LYST: variants seen among roughly 807,000 people sequenced by gnomAD.
LYST encodes the protein lysosomal trafficking regulator.
In LYST, 192 loss-of-function variants were observed where a neutral mutation model predicts 413.6. The observed-to-expected ratio is 0.46, with a 90% CI of 0.41 to 0.52. The LOEUF is 0.52. Ranked by LOEUF, LYST falls within the 20% of genes least tolerant of loss-of-function variation. The pLI is 0.00. For missense variants in LYST, 3,815 were observed against 4,499.9 expected, an observed-to-expected ratio of 0.85 and a Z score of 4.35; for synonymous variants, 1,525 against 1,567.3, an observed-to-expected ratio of 0.97 and a Z score of 0.64.
intron 20 of LYST, among the ~76,000 whole-genome samples, chr1:235,768,932 G>GT (rs1668396331): frequency 6.6e-6 from 1 of 152,048 alleles, no homozygotes; most frequent in Non-Finnish European, 1.5e-5. Flanking sequence ...GCAATAAAAT[G>GT]TTTTTGTGTT....
Position 235,752,056 on chromosome 1 carries a change from G to A in LYST, c.7576C>T (p.Leu2526Phe), listed in dbSNP as rs549823254. 5.9e-5 allele frequency: 95 copies of A among 1,609,806 alleles called. No individual in the cohort carries two copies. In the South Asian group the frequency reaches 9.9e-4, roughly 17 times the overall value. Residue 2526 changes from leucine to phenylalanine, a missense_variant, in exon 27 of 53, where the codon CTT becomes TTT. Leu to Phe is a conservative substitution (Grantham distance 22, BLOSUM62 0). Coordinates refer to ENST00000389793, the MANE Select transcript of LYST (RefSeq NM_000081.4). ...TGAAGATATCCAAGCATTACAATAA[G>A]GTCTTCAATAACCCTAAAATATTGT... ...GSQYFRVIED[L>F]IVMLGYLQNS...
chr1:235,788,313 T>C (rs1027914896), intron 13 of LYST, among the ~76,000 whole-genome samples: 2 of 151,936 alleles, frequency 1.3e-5, no homozygotes, highest in Non-Finnish European at 2.9e-5. Context: ...GCATGCACCA[T>C]CATGCCTGGC....
chr1:235,837,523 A>G (rs1204691084), intron 1 of LYST, among the ~76,000 whole-genome samples: 1 of 151,530 alleles, frequency 6.6e-6, no homozygotes, highest in Non-Finnish European at 1.5e-5. Flanking sequence ...GCTACTTGGG[A>G]GGATGAGGTA....
rs1204853924 is a variant in LYST, at chr1:235,709,125, GC to G, written c.10108del (p.Ala3370LeufsTer31). The G allele has an allele frequency of 6.2e-7, 1 of 1,614,066 alleles. No individual in the cohort carries two copies. The highest frequency in any genetic ancestry group is 1.1e-5 in the South Asian group (1 of 91,076). Reference sequence around the variant, plus strand: ...AAAAACATTGATCGCTTGAACAGAAGCCTTCCCCTTTTGCTTATACCCAAAC... The same window carrying G: ...AAAAACATTGATCGCTTGAACAGAAGCTTCCCCTTTTGCTTATACCCAAAC... ...LVFGYKQKGK[A>X]SVQAINVFHP... On this transcript the variant is annotated frameshift_variant, in exon 44 of 53. Coordinates refer to ENST00000389793, the MANE Select transcript of LYST (RefSeq NM_000081.4). LOFTEE classifies it high-confidence loss of function.
At chr1:235,832,419 T>A (rs1355491494) in intron 2 of LYST, among the ~76,000 whole-genome samples, 2 of 152,204 alleles carry the variant, frequency 1.3e-5, no homozygotes, top group African/African-American at 4.8e-5. Context: ...TTTTTAGATA[T>A]AAAAGTTAAT....
chr1:235,730,521 GTATA>G (rs537844605), intron 36 of LYST, among the ~76,000 whole-genome samples: 3 of 149,698 alleles, frequency 2.0e-5, no homozygotes, highest in Non-Finnish European at 4.5e-5. Flanking sequence ...ATATATATGG[GTATA>G]TATATATGTA....
intron 45 of LYST, among the ~76,000 whole-genome samples, chr1:235,698,277 ACTTG>A (rs1238957009): frequency 6.6e-6 from 1 of 152,134 alleles, no homozygotes; most frequent in Admixed American, 6.5e-5. Flanking sequence ...TTTTAGTGAA[ACTTG>A]CTTATGTCAT....
Position 235,766,287 on chromosome 1 carries a change from T to A in LYST, c.5923-10A>T, listed in dbSNP as rs1338253988. 4 of 1,574,102 alleles carry A rather than the reference T, an allele frequency of 2.5e-6. No individual in the cohort carries two copies. Among genetic ancestry groups the A allele is most frequent in the Admixed American group, 1.9e-5 (1 of 53,322 alleles). ...GCCCCTCTTTGTATTCCTGAAAAAA[T>A]AAAAAAAACTCTCTTTAGATTTAAA... On this transcript the variant is annotated splice_polypyrimidine_tract_variant and intron_variant, in intron 20 of 52. Transcript: ENST00000389793.
chr1:235,747,348 G>GA (rs772185534), intron 28 of LYST: 55 of 378,410 alleles, frequency 1.5e-4, no homozygotes, highest in African/African-American at 1.1e-3. Context: ...TTTAAATTAT[G>GA]AAAACATATA....
chr1:235,683,869 C>A (rs1660017461), intron 48 of LYST, among the ~76,000 whole-genome samples: 1 of 152,196 alleles, frequency 6.6e-6, no homozygotes, highest in African/African-American at 2.4e-5. Context: ...GCAACACGAT[C>A]CCTGGGAAAA....
intron 31 of LYST, among the ~76,000 whole-genome samples, chr1:235,739,332 G>C (rs1488568781): frequency 1.3e-5 from 2 of 152,190 alleles, no homozygotes; most frequent in Admixed American, 6.5e-5. Flanking sequence ...CCTTGAGCCA[G>C]ATGGATGTTT....
Position 235,697,069 on chromosome 1 carries a change from A to G in LYST, c.10564+14T>C. ...AGATATATCCAGAATGATCTTCGTTACATTTTATTTTACCTTGTTCCTTGC... is the reference window on the plus strand; with the variant it reads ...AGATATATCCAGAATGATCTTCGTTGCATTTTATTTTACCTTGTTCCTTGC... On this transcript the variant is annotated intron_variant, in intron 46 of 52. Transcript: ENST00000389793. 1.9e-6 allele frequency: 3 copies of G among 1,609,032 alleles called. No individual in the cohort carries two copies. The highest frequency in any genetic ancestry group is 2.6e-6 in the Non-Finnish European group (3 of 1,175,294).
At chr1:235,816,460 A>G (rs1674109477) in intron 3 of LYST, among the ~76,000 whole-genome samples, 2 of 114,152 alleles carry the variant, frequency 1.8e-5, no homozygotes, top group Middle Eastern at 4.0e-3. Flanking sequence ...AAATAAATAA[A>G]AAATAAAAAT....
At position 235,746,488 on chromosome 1, in the gene LYST, A is replaced by C. The variant is rs1665939100; in HGVS notation, c.7820T>G (p.Leu2607Arg). The C allele has an allele frequency of 6.2e-7, 1 of 1,613,724 alleles. No homozygotes were observed. The highest frequency in any genetic ancestry group is 8.5e-7 in the Non-Finnish European group (1 of 1,179,856). ...KFPLAQTESL[L>R]MKMRSVANDE... ...ATTTGCCACTGAACGCATTTTCATC[A>C]GAAGCGATTCAGTTTGAGCAAGGGG... Residue 2607 changes from leucine to arginine, a missense_variant, in exon 29 of 53, where the codon CTG becomes CGG. Physicochemically the swap from Leu to Arg is moderately radical, Grantham distance 102. Around this residue, in one of 4 missense-constraint regions of LYST, gnomAD observed 771 missense variants for 837.1 expected, o/e 0.92. Transcript: ENST00000389793.
At position 235,746,521 on chromosome 1, in the gene LYST, C is replaced by T. The variant is rs771876940; in HGVS notation, c.7787G>A (p.Arg2596Gln). ...VQKRKSIAGP[R>Q]KFPLAQTESL... is the part of the protein sequence containing the mutation. The stretch of plus-strand genomic sequence containing the variant: ...TTCAGTTTGAGCAAGGGGAAATTTT[C>T]GAGGACCTTTAAAAGTATATAAATT... The change falls in exon 29 of 53, where the codon CGA (arginine) becomes CAA (glutamine). Residue 2596 changes from arginine to glutamine, a missense_variant. Arg to Gln is a conservative substitution (Grantham distance 43, BLOSUM62 1). Transcript: ENST00000389793. 27 of 1,611,562 alleles carry T rather than the reference C, an allele frequency of 1.7e-5. No homozygotes were observed. Among genetic ancestry groups the T allele is most frequent in the South Asian group, 2.2e-5 (2 of 90,952 alleles).
chr1:235,815,278 C>T (rs1205759456), intron 3 of LYST, among the ~76,000 whole-genome samples: 1 of 152,092 alleles, frequency 6.6e-6, no homozygotes, highest in Non-Finnish European at 1.5e-5. Flanking sequence ...CTCATGAAGC[C>T]TACTTCCTAG....
chr1:235,698,129 C>T (rs1661248845), intron 45 of LYST, among the ~76,000 whole-genome samples: 1 of 152,092 alleles, frequency 6.6e-6, no homozygotes, highest in Admixed American at 6.5e-5. Context: ...CTGAACTCTT[C>T]TTTTTTAATG....
rs769915731 is a variant in LYST, at chr1:235,731,176, C to T, written c.8803G>A (p.Ala2935Thr). 1.9e-6 allele frequency: 3 copies of T among 1,613,964 alleles called. No homozygotes were observed. In the East Asian group the frequency reaches 6.7e-5, roughly 36 times the overall value. ...ELIQQLTHDR[A>T]VWYDPIYYPT... ...TAGTAGATGGGGTCATACCATACTG[C>T]TCTGCAAGTAAAAAGATTAAAGGGT... The change falls in exon 35 of 53, where the codon GCA becomes ACA. Residue 2935 changes from alanine (A) to threonine (T), a missense_variant and splice_region_variant. Ala to Thr is a moderately conservative substitution (Grantham distance 58). Coordinates refer to ENST00000389793, the MANE Select transcript of LYST (RefSeq NM_000081.4).
chr1:235,796,501 C>T (rs114965205), intron 10 of LYST, among the ~76,000 whole-genome samples: 64 of 152,256 alleles, frequency 4.2e-4, no homozygotes, highest in African/African-American at 1.4e-3. Flanking sequence ...AAAGAAAATA[C>T]GCAAATAGCT....
Sources: gnomAD v4.1 joint callset for allele counts (sites outside exome capture counted in the v4.1 genomes callset) on GRCh38, gnomAD v4.1.1 for gene constraint, gnomAD v4.1.1 regional missense constraint, MANE v1.5 for transcripts, NCBI Gene and HGNC (gene_info 2026-07-23, HGNC 2026-07-21) for gene names.